SLC24A2: variants seen among roughly 807,000 people sequenced by gnomAD.
SLC24A2 encodes solute carrier family 24 member 2.
SLC24A2 carries 36 observed loss-of-function variants against 62.0 expected under a neutral mutation model. That is an observed-to-expected ratio of 0.58 (90% CI 0.44 to 0.77). The LOEUF is 0.77. SLC24A2 is among the 30% of genes least tolerant of loss of function. The pLI is 0.00. For missense variants in SLC24A2, 846 were observed against 817.9 expected (o/e 1.03, Z -0.42); for synonymous variants, 358 against 294.0 (o/e 1.22, Z -2.23).
intron 2 of SLC24A2, among the ~76,000 whole-genome samples, chr9:19,690,078 C>T (rs185253189): frequency 1.3e-5 from 2 of 152,190 alleles, no homozygotes; most frequent in East Asian, 1.9e-4. Context: ...CTTGTAGATG[C>T]CAGATCATGT....
chr9:19,828,197 G>A, the SLC24A2 span, among the ~76,000 whole-genome samples: 1 of 152,026 alleles, frequency 6.6e-6, no homozygotes, highest in Non-Finnish European at 1.5e-5. Context: ...ATCTAGTATT[G>A]AATAAGATCT....
At chr9:20,300,380 T>C in the SLC24A2 span, among the ~76,000 whole-genome samples, 2 of 152,210 alleles carry the variant, frequency 1.3e-5, no homozygotes, top group African/African-American at 2.4e-5. Context: ...GTTTTGTTTG[T>C]TTGTTTTCTA....
At chr9:20,210,041 G>C in the SLC24A2 span, among the ~76,000 whole-genome samples, 4 of 152,300 alleles carry the variant, frequency 2.6e-5, no homozygotes, top group East Asian at 5.8e-4. Flanking sequence ...GTCTTGTGAA[G>C]AGTTCATTGT....
At chr9:19,885,934 T>C in the SLC24A2 span, among the ~76,000 whole-genome samples, 3 of 152,196 alleles carry the variant, frequency 2.0e-5, no homozygotes, top group East Asian at 1.9e-4. Context: ...AATCTCATTC[T>C]TTTTTATGAC....
At chr9:19,772,421 G>T (rs1449012849) in intron 2 of SLC24A2, among the ~76,000 whole-genome samples, 1 of 152,186 alleles carries the variant, frequency 6.6e-6, no homozygotes, top group Non-Finnish European at 1.5e-5. Context: ...TATCTATGGA[G>T]CACATTTCTT....
the SLC24A2 span, among the ~76,000 whole-genome samples, chr9:19,867,746 A>G: frequency 6.6e-6 from 1 of 152,120 alleles, no homozygotes; most frequent in Non-Finnish European, 1.5e-5. Flanking sequence ...CGTCTCTACT[A>G]AAAATACAAA....
chr9:20,122,343 T>C, the SLC24A2 span, among the ~76,000 whole-genome samples: 22 of 152,306 alleles, frequency 1.4e-4, no homozygotes, highest in Admixed American at 5.2e-4. Context: ...AAGCAGTTGA[T>C]TGCATTTCGA....
the SLC24A2 span, among the ~76,000 whole-genome samples, chr9:20,255,589 G>A: frequency 9.2e-5 from 14 of 152,090 alleles, no homozygotes; most frequent in African/African-American, 2.2e-4. Context: ...AGCTGTCAGC[G>A]AGGGCCTCAG....
the SLC24A2 span, among the ~76,000 whole-genome samples, chr9:20,112,539 G>A: frequency 4.6e-5 from 7 of 152,090 alleles, no homozygotes; most frequent in South Asian, 1.4e-3. Context: ...CCATATTAAA[G>A]GAAAAATGTT....
the SLC24A2 span, among the ~76,000 whole-genome samples, chr9:20,038,628 C>CAAAAAAA: frequency 6.2e-5 from 2 of 32,394 alleles, no homozygotes; most frequent in Admixed American, 3.6e-4. Context: ...GTAAAAGAAA[C>CAAAAAAA]AAACAAAAAA....
the SLC24A2 span, among the ~76,000 whole-genome samples, chr9:19,942,854 C>T: frequency 9.9e-5 from 15 of 152,220 alleles, no homozygotes; most frequent in East Asian, 5.8e-4. Flanking sequence ...AGCCTACAGG[C>T]GCCGATGAGC....
At chr9:19,867,356 T>G in the SLC24A2 span, among the ~76,000 whole-genome samples, 3 of 152,226 alleles carry the variant, frequency 2.0e-5, no homozygotes, top group African/African-American at 7.2e-5. Context: ...TTCAATTTAC[T>G]TAGTTGTTAG....
intron 5 of SLC24A2, among the ~76,000 whole-genome samples, chr9:19,577,940 A>C (rs1836079333): frequency 6.6e-6 from 1 of 151,520 alleles, no homozygotes; most frequent in Non-Finnish European, 1.5e-5. Context: ...ATTTGCAGTG[A>C]TCTGAATGAG....
chr9:19,944,147 C>T, the SLC24A2 span, among the ~76,000 whole-genome samples: 7 of 152,148 alleles, frequency 4.6e-5, no homozygotes, highest in South Asian at 1.2e-3. Context: ...GAAAAACTAA[C>T]GTTTGGGTAC....
At chr9:19,696,984 C>G (rs543251716) in intron 2 of SLC24A2, among the ~76,000 whole-genome samples, 5 of 152,018 alleles carry the variant, frequency 3.3e-5, no homozygotes, top group East Asian at 1.9e-4. Flanking sequence ...TATGCCATGT[C>G]GAGCTATTTT....
At chr9:19,633,773 T>C (rs1405472990) in intron 2 of SLC24A2, among the ~76,000 whole-genome samples, 2 of 152,212 alleles carry the variant, frequency 1.3e-5, no homozygotes, top group East Asian at 3.9e-4. Context: ...TATTTTGCCA[T>C]TTTCTAATTG....
chr9:19,563,565 A>AT (rs940197063), intron 7 of SLC24A2, among the ~76,000 whole-genome samples: 1 of 152,160 alleles, frequency 6.6e-6, no homozygotes, highest in Non-Finnish European at 1.5e-5. Flanking sequence ...CAGAGCTAAC[A>AT]TTTTTTGACC....
At chr9:20,232,209 G>A in the SLC24A2 span, among the ~76,000 whole-genome samples, 1 of 152,188 alleles carries the variant, frequency 6.6e-6, no homozygotes, top group South Asian at 2.1e-4. Context: ...TTTTGGTTGT[G>A]TCTCTGCCAG....
chr9:19,568,917 A>G (rs561203820), intron 7 of SLC24A2, among the ~76,000 whole-genome samples: 118 of 152,322 alleles, frequency 7.7e-4, no homozygotes, highest in African/African-American at 2.7e-3. Flanking sequence ...CAGCATTCCA[A>G]GCAAATGTTT....
Sources: allele counts gnomAD v4.1 joint callset (sites outside exome capture counted in the v4.1 genomes callset), GRCh38; gene constraint gnomAD v4.1.1; transcripts MANE v1.5; gene names NCBI Gene and HGNC (gene_info 2026-07-23, HGNC 2026-07-21).